Variants in PRCP observed in about 807,000 individuals in gnomAD.
PRCP encodes the protein lysosomal Pro-X carboxypeptidase.
PRCP carries 46 observed loss-of-function variants against 54.2 expected under a neutral mutation model. The observed-to-expected ratio is 0.85, with a 90% CI of 0.67 to 1.09. PRCP has a LOEUF of 1.09. PRCP is among the 50% of genes least tolerant of loss of function. The probability of loss-of-function intolerance (pLI) is 0.00; values close to 1 mark genes in which losing one functional copy is unlikely to be tolerated. For synonymous variants in PRCP, 240 were observed against 212.2 expected (o/e 1.13, Z -1.14); for missense variants, 613 against 596.8 (o/e 1.03, Z -0.28).
intron 6 of PRCP, chr11:82,839,667 T>C: frequency 4.3e-6 from 2 of 462,698 alleles, no homozygotes; most frequent in East Asian, 4.4e-5. Context: ...GTCCTCTCCA[T>C]CTACCATCTT....
At chr11:82,875,734 G>C (rs1035769740) in intron 1 of PRCP, among the ~76,000 whole-genome samples, 114 of 152,314 alleles carry the variant, frequency 7.5e-4, no homozygotes, top group African/African-American at 2.6e-3. Context: ...GGTGAGAACA[G>C]GGTGATTGTT....
chr11:82,843,498 T>C (rs1225789745), intron 6 of PRCP, among the ~76,000 whole-genome samples: 1 of 152,218 alleles, frequency 6.6e-6, no homozygotes, highest in Admixed American at 6.5e-5. Context: ...ACCCTGATAA[T>C]GTGCAGATAT....
Position 82,850,507 on chromosome 11 carries a change from T to G in PRCP, c.412-2A>C, listed in dbSNP as rs1257773506. ...CAGGAAATTCAAGTGTCTGGAATCCTAAAGAAATATAACAAAGAACACGGG... is the reference window on the plus strand; with the variant it reads ...CAGGAAATTCAAGTGTCTGGAATCCGAAAGAAATATAACAAAGAACACGGG... On this transcript the variant is annotated splice_acceptor_variant, in intron 3 of 8. Transcript: ENST00000313010. LOFTEE classifies it high-confidence loss of function. 6.4e-7 allele frequency: 1 copy of G among 1,554,882 alleles called. No homozygotes were observed. Among genetic ancestry groups the G allele is most frequent in the African/African-American group, 1.4e-5 (1 of 72,778 alleles).
chr11:82,866,834 GC>G (rs1383338336), intron 1 of PRCP, among the ~76,000 whole-genome samples: 4 of 151,712 alleles, frequency 2.6e-5, no homozygotes, highest in Non-Finnish European at 5.9e-5. Flanking sequence ...CAATTCTCCT[GC>G]CTCAGCCTCC....
intron 2 of PRCP, chr11:82,858,232 C>A (rs1372129990): frequency 1.3e-5 from 2 of 152,200 alleles, no homozygotes; most frequent in African/African-American, 4.8e-5. Context: ...ACCATTATTA[C>A]TGTATCCATT....
chr11:82,832,451 TC>T, intron 8 of PRCP, among the ~76,000 whole-genome samples: 1 of 152,206 alleles, frequency 6.6e-6, no homozygotes, highest in South Asian at 2.1e-4. Context: ...TCTCTAATGA[TC>T]AGTGATGATG....
At chr11:82,896,329 A>G (rs967661612) in intron 1 of PRCP, among the ~76,000 whole-genome samples, 2 of 152,176 alleles carry the variant, frequency 1.3e-5, no homozygotes, top group African/African-American at 4.8e-5. Flanking sequence ...TAACATTTAT[A>G]TCAGCGGACT....
chr11:82,849,282 A>C lies in PRCP; in HGVS notation c.752-64T>G. On this transcript the variant is annotated intron_variant, in intron 5 of 8. Transcript: ENST00000313010. ...TGGTCAACAGATGTCTTTACAGATC[A>C]TTTATTCTTCACATAGTATTTTAGA... 4 of 1,526,688 alleles carry C rather than the reference A, an allele frequency of 2.6e-6. No individual in the cohort carries two copies. The South Asian group carries it at 4.8e-5, about 18-fold the overall frequency. 94.6% of individuals were successfully genotyped at this position (1,526,688 alleles called of 1,614,324 possible).
intron 1 of PRCP, among the ~76,000 whole-genome samples, chr11:82,886,796 G>T (rs1431688189): frequency 6.6e-6 from 1 of 152,134 alleles, no homozygotes; most frequent in Non-Finnish European, 1.5e-5. Flanking sequence ...CAGGGTAAAA[G>T]ATAAATATGC....
intron 1 of PRCP, among the ~76,000 whole-genome samples, chr11:82,894,184 T>C (rs772215088): frequency 2.0e-4 from 31 of 152,188 alleles, no homozygotes; most frequent in Non-Finnish European, 3.8e-4. Flanking sequence ...CCTATGATTC[T>C]CCTTTCTTCT....
chr11:82,854,258 C>T lies in PRCP; in HGVS notation c.310-980G>A, dbSNP rs563376084. Among the ~76,000 whole-genome samples, 8 of 152,318 alleles carry T rather than the reference C, an allele frequency of 5.3e-5. No homozygotes were observed. In the South Asian group the frequency reaches 1.7e-3, roughly 32 times the overall value. On this transcript the variant is annotated intron_variant, in intron 2 of 8. Transcript: ENST00000313010. ...TATGATGCTATACCTAGAAACCCCA[C>T]AGACTCCACCAAAAGACTTCTAGAA...
chr11:82,900,247 G>T lies in PRCP; in HGVS notation c.156C>A (p.Tyr52Ter), dbSNP rs781019031. 11 of 1,614,202 alleles carry T rather than the reference G, an allele frequency of 6.8e-6. No individual in the cohort carries two copies. Among genetic ancestry groups the T allele is most frequent in the Non-Finnish European group, 9.3e-6 (11 of 1,180,022 alleles). ...CGCTCCCCCTTACCTTCTGTTGGAA[G>T]TAGAGAACCGAATAGTTCTTGGCTA... The part of the protein sequence containing the change: ...PAVAKNYSVL[Y>*]FQQKVDHFGF... Residue 52 changes from tyrosine to a stop codon, truncating the protein, a stop_gained, in exon 1 of 9, where the codon TAC (tyrosine) becomes TAA (stop). Transcript: ENST00000313010. LOFTEE classifies it high-confidence loss of function.
At chr11:82,896,785 C>T (rs1392464850) in intron 1 of PRCP, among the ~76,000 whole-genome samples, 1 of 151,956 alleles carries the variant, frequency 6.6e-6, no homozygotes, top group Non-Finnish European at 1.5e-5. Context: ...GGGTTTCCAG[C>T]CTCCAACCTA....
At chr11:82,840,974 A>C (rs2121104514) in intron 6 of PRCP, 1 of 130,148 alleles carries the variant, frequency 7.7e-6, no homozygotes, top group South Asian at 2.3e-4. Flanking sequence ...AAACCCAGTA[A>C]GCTTGAATCT....
At chr11:82,862,555 A>C (rs1859231994) in intron 1 of PRCP, among the ~76,000 whole-genome samples, 1 of 152,122 alleles carries the variant, frequency 6.6e-6, no homozygotes, top group African/African-American at 2.4e-5. Context: ...GTCATTCTAA[A>C]ACAGATGGGA....
chr11:82,888,803 C>A (rs1042350320), intron 1 of PRCP, among the ~76,000 whole-genome samples: 1 of 152,176 alleles, frequency 6.6e-6, no homozygotes, highest in Non-Finnish European at 1.5e-5. Context: ...ATACACACAC[C>A]TTCCTTACCT....
In PRCP at chr11:82,853,201, G is replaced by A. The variant is rs1565224362; in HGVS notation, c.387C>T (p.Leu129=). ...FAEHRYYGES[L]PFGDNSFKDS... ...CCTTGAATGAGTTGTCACCAAAGGG[G>A]AGAGACTCTCCATAGTATCGATGTT... The change falls in exon 3 of 9, where the codon CTC becomes CTT. Residue 129 remains leucine, a synonymous_variant. Transcript: ENST00000313010. The A allele has an allele frequency of 6.8e-6, 11 of 1,609,882 alleles. No individual in the cohort carries two copies. Among genetic ancestry groups the A allele is most frequent in the Non-Finnish European group, 9.3e-6 (11 of 1,177,494 alleles).
intron 8 of PRCP, among the ~76,000 whole-genome samples, chr11:82,833,192 C>T (rs1036179114): frequency 6.6e-6 from 1 of 152,168 alleles, no homozygotes; most frequent in Admixed American, 6.5e-5. Context: ...AAGATGAAGT[C>T]CCTGCCAGTG....
At chr11:82,865,752 G>A (rs967352905) in intron 1 of PRCP, among the ~76,000 whole-genome samples, 2 of 152,156 alleles carry the variant, frequency 1.3e-5, no homozygotes, top group South Asian at 2.1e-4. Context: ...CATTTGATGT[G>A]TGTGTCTTAT....
Sources: gnomAD v4.1 joint callset for allele counts (sites outside exome capture counted in the v4.1 genomes callset) on GRCh38, gnomAD v4.1.1 for gene constraint, MANE v1.5 for transcripts, NCBI Gene and HGNC (gene_info 2026-07-23, HGNC 2026-07-21) for gene names.